Variants in GATA4 observed in about 807,000 individuals in gnomAD.
GATA4 encodes transcription factor GATA-4.
A neutral mutation model predicts 37.9 loss-of-function variants in GATA4; 7 were observed. That is an observed-to-expected ratio of 0.18 (90% CI 0.11 to 0.35). The LOEUF is 0.35. GATA4 is among the 10% of genes least tolerant of loss of function. The probability of loss-of-function intolerance (pLI) is 1.00; values close to 1 mark genes in which losing one functional copy is unlikely to be tolerated. For synonymous variants in GATA4, 372 were observed against 292.6 expected, an observed-to-expected ratio of 1.27 and a Z score of -2.77; for missense variants, 647 against 653.0, an observed-to-expected ratio of 0.99 and a Z score of 0.10.
intron 2 of GATA4, among the ~76,000 whole-genome samples, chr8:11,725,454 A>G (rs1800874760): frequency 6.6e-6 from 1 of 152,246 alleles, no homozygotes; most frequent in South Asian, 2.1e-4. Context: ...GGCTCCGGGC[A>G]CACGCTGGGA....
At chr8:11,736,864 A>G (rs936917356) in intron 2 of GATA4, among the ~76,000 whole-genome samples, 2 of 152,198 alleles carry the variant, frequency 1.3e-5, no homozygotes, top group African/African-American at 2.4e-5. Flanking sequence ...CCTTTTACAA[A>G]GAAGATCTGA....
At chr8:11,740,565 C>A (rs1169522366) in intron 2 of GATA4, among the ~76,000 whole-genome samples, 3 of 152,168 alleles carry the variant, frequency 2.0e-5, no homozygotes, top group Non-Finnish European at 2.9e-5. Flanking sequence ...CACATGGAGG[C>A]CCCCATGAAA....
At position 11,736,305 on chromosome 8, in the gene GATA4, T is replaced by C. The variant is rs1311235849; in HGVS notation, c.617-12611T>C. Among the ~76,000 whole-genome samples the C allele has an allele frequency of 5.3e-5, 8 of 152,372 alleles. No homozygotes were observed. The East Asian group carries it at 1.5e-3, about 29-fold the overall frequency. On this transcript the variant is annotated intron_variant, in intron 2 of 6. Coordinates refer to ENST00000532059, the MANE Select transcript of GATA4 (RefSeq NM_001308093.3). ...ATGAGAGTTAGAATGCAGTGCCACG[T>C]TGAATGCTTTCACAGGTAGGAGCCT... is the stretch of plus-strand genomic sequence containing the variant.
chr8:11,691,509 T>C (rs775166346), upstream of GATA4, among the ~76,000 whole-genome samples: 7 of 152,196 alleles, frequency 4.6e-5, no homozygotes, highest in Non-Finnish European at 1.0e-4. Context: ...CTCCATGTTG[T>C]CCAGGCTGGA....
chr8:11,708,430 C>G lies in GATA4; in HGVS notation c.118C>G (p.Pro40Ala). 6.5e-7 allele frequency: 1 copy of G among 1,535,610 alleles called. No individual in the cohort carries two copies. The highest frequency in any genetic ancestry group is 8.7e-7 in the Non-Finnish European group (1 of 1,147,106). ...AGAASSPVYV[P>A]TPRVPSSVLG... ...CGCCGCGTCCTCGCCAGTCTACGTG[C>G]CCACACCGCGGGTGCCCTCCTCCGT... is the stretch of plus-strand genomic sequence containing the variant. The change falls in exon 2 of 7, where the codon CCC becomes GCC. Residue 40 changes from proline (P) to alanine (A), a missense_variant. By Grantham distance (27) the Pro-to-Ala change is conservative (BLOSUM62 -1). Around this residue, in one of 5 missense-constraint regions of GATA4, gnomAD observed 379 missense variants for 334.5 expected, o/e 1.13. Transcript: ENST00000532059. The surrounding 1 kb of genome is among the most constrained non-coding windows in gnomAD (Gnocchi z 6.7).
chr8:11,680,374 G>T (rs993530328), intron 1 of GATA4: 1 of 560,230 alleles, frequency 1.8e-6, no homozygotes, highest in African/African-American at 2.0e-5. Context: ...AACTAACCAG[G>T]CCCCTCGGAT....
intron 2 of GATA4, among the ~76,000 whole-genome samples, chr8:11,710,445 GA>G (rs772923843): frequency 6.6e-6 from 1 of 151,182 alleles, no homozygotes; most frequent in African/African-American, 2.4e-5. Flanking sequence ...TGGGGCCTCT[GA>G]CTTAAAATAG....
At chr8:11,678,041 AT>A (rs1255747628) in intron 1 of GATA4, among the ~76,000 whole-genome samples, 2 of 149,152 alleles carry the variant, frequency 1.3e-5, no homozygotes, top group African/African-American at 4.9e-5. Flanking sequence ...AATAATAATA[AT>A]AATAATAATA....
chr8:11,707,668 G>T lies in GATA4; in HGVS notation c.-457-188G>T, dbSNP rs1384157229. 6.6e-6 allele frequency among the ~76,000 whole-genome samples: 1 copy of T among 152,172 alleles called. No homozygotes were observed. The highest frequency in any genetic ancestry group is 1.5e-5 in the Non-Finnish European group (1 of 68,022). ...GCCTCTCCCCAGGCTTGCCTGGGCC[G>T]CCTGACCCAACGCCTGGACAAAACA... On this transcript the variant is annotated intron_variant, in intron 1 of 6. Transcript: ENST00000532059. This position sits in a 1 kb window ranked among gnomAD's most constrained non-coding sequence, Gnocchi z 4.7.
intron 1 of GATA4, chr8:11,681,575 C>A: frequency 1.8e-6 from 1 of 543,962 alleles, no homozygotes. Flanking sequence ...ATTTCTCCCT[C>A]CTCCACCCCA....
At chr8:11,755,576 A>T (rs952738325) in intron 5 of GATA4, among the ~76,000 whole-genome samples, 6 of 152,218 alleles carry the variant, frequency 3.9e-5, no homozygotes, top group African/African-American at 1.4e-4. Context: ...TATAATTAAC[A>T]TCATGCAGTG....
chr8:11,736,570 G>A (rs1038423733), intron 2 of GATA4, among the ~76,000 whole-genome samples: 1 of 152,272 alleles, frequency 6.6e-6, no homozygotes, highest in South Asian at 2.1e-4. Context: ...GCCCTCTAGA[G>A]GCTGGAGGAC....
chr8:11,745,411 C>CAAAAAAAA (rs3030049), intron 2 of GATA4, among the ~76,000 whole-genome samples: 1 of 104,034 alleles, frequency 9.6e-6, no homozygotes, highest in African/African-American at 4.7e-5. Flanking sequence ...TTGTCTCTAC[C>CAAAAAAAA]AAAAAAAAAA....
upstream of GATA4, among the ~76,000 whole-genome samples, chr8:11,699,635 C>T (rs778103652): frequency 3.0e-4 from 45 of 152,356 alleles, no homozygotes; most frequent in African/African-American, 6.7e-4. Flanking sequence ...CCAGCGCTGG[C>T]GCTCCTCAAC....
At chr8:11,758,164 CT>C in intron 6 of GATA4, 128 bp from the exon 7 acceptor site, 1 of 860,624 alleles carries the variant, frequency 1.2e-6, no homozygotes, top group Non-Finnish European at 2.0e-6. Context: ...AGAAGTGCTC[CT>C]TGGTCCCTTC....
chr8:11,750,595 C>G (rs1422337407), intron 4 of GATA4, among the ~76,000 whole-genome samples: 2 of 151,956 alleles, frequency 1.3e-5, no homozygotes, highest in African/African-American at 4.8e-5. Flanking sequence ...CAAAAATAAA[C>G]TTGGGTGAAT....
chr8:11,683,129 T>G (rs944345185), intron 1 of GATA4: 20 of 985,344 alleles, frequency 2.0e-5, no homozygotes, highest in Non-Finnish European at 2.3e-5. Flanking sequence ...TGGTGGCCAC[T>G]GGGGTTTGCT....
At chr8:11,688,496 A>G (rs1181864683), upstream of GATA4, among the ~76,000 whole-genome samples, 2 of 151,928 alleles carry the variant, frequency 1.3e-5, no homozygotes, top group Non-Finnish European at 2.9e-5. Context: ...AAAATAAAGC[A>G]CACATGCATG....
At chr8:11,679,534 C>A (rs953378988) in intron 1 of GATA4, among the ~76,000 whole-genome samples, 1 of 152,230 alleles carries the variant, frequency 6.6e-6, no homozygotes, top group Non-Finnish European at 1.5e-5. Context: ...TGAAAAGGAA[C>A]CCCGACTGCT....
Sources: allele counts gnomAD v4.1 joint callset (sites outside exome capture counted in the v4.1 genomes callset), GRCh38; gene constraint gnomAD v4.1.1; regional missense constraint gnomAD v4.1.1; non-coding constraint Gnocchi (gnomAD v3.1); transcripts MANE v1.5; gene names NCBI Gene and HGNC (gene_info 2026-07-23, HGNC 2026-07-21).